The following PCNX2 variants were observed in gnomAD, a reference collection of about 807,000 sequenced individuals.
PCNX2 encodes pecanex-like protein 2.
Under a neutral mutation model 223.8 loss-of-function variants are expected in PCNX2, and 168 were observed. That is an observed-to-expected ratio of 0.75 (90% CI 0.66 to 0.85). PCNX2 has a LOEUF of 0.85. PCNX2 is among the 40% of genes least tolerant of loss of function. The pLI is 0.00. For synonymous variants in PCNX2, 1,006 were observed against 1,052.6 expected (o/e 0.96, Z 0.86); for missense variants, 2,507 against 2,675.5 (o/e 0.94, Z 1.39).
At chr1:233,292,202 CTTTTTTT>C (rs963996089) in intron 1 of PCNX2, among the ~76,000 whole-genome samples, 5 of 109,486 alleles carry the variant, frequency 4.6e-5, no homozygotes, top group Non-Finnish European at 9.0e-5. Context: ...TTCTTTCTTT[CTTTTTTT>C]TTTTTTTTTT....
At chr1:233,293,071 C>T (rs1661864302) in intron 1 of PCNX2, among the ~76,000 whole-genome samples, 1 of 152,098 alleles carries the variant, frequency 6.6e-6, no homozygotes, top group Non-Finnish European at 1.5e-5. Flanking sequence ...CTCACAAACA[C>T]AAGATCTAAA....
chr1:233,195,675 T>C (rs922602396), intron 15 of PCNX2, among the ~76,000 whole-genome samples: 4 of 152,196 alleles, frequency 2.6e-5, no homozygotes, highest in Non-Finnish European at 4.4e-5. Context: ...AAAATTTAAA[T>C]TATAAAACAC....
chr1:233,242,831 A>G (rs1400262247), intron 8 of PCNX2, among the ~76,000 whole-genome samples: 1 of 152,174 alleles, frequency 6.6e-6, no homozygotes, highest in Non-Finnish European at 1.5e-5. Flanking sequence ...TTCTGGGCAA[A>G]TTAGTTCATT....
At position 232,991,332 on chromosome 1, in the gene PCNX2, A is replaced by T. The variant is rs1669690136; in HGVS notation, c.5792-4792T>A. Among the ~76,000 whole-genome samples, 1 of 152,014 alleles carries T rather than the reference A, an allele frequency of 6.6e-6. No homozygotes were observed. Among genetic ancestry groups the T allele is most frequent in the Non-Finnish European group, 1.5e-5 (1 of 67,984 alleles). On this transcript the variant is annotated intron_variant, in intron 32 of 33. Transcript: ENST00000258229. The surrounding 1 kb of genome is among the most constrained non-coding windows in gnomAD (Gnocchi z 4.3). ...GGAGAATGCTTGACACTGTTGAGGGACAGCAAGAGACCGTGTGCTGGGGAT... is the reference window on the plus strand; with the variant it reads ...GGAGAATGCTTGACACTGTTGAGGGTCAGCAAGAGACCGTGTGCTGGGGAT...
chr1:233,252,941 T>A (rs1659543786), intron 5 of PCNX2, 153 bp from the exon 6 acceptor site: 2 of 380,022 alleles, frequency 5.3e-6, no homozygotes, highest in Non-Finnish European at 7.2e-6. Context: ...TTCATTTTTT[T>A]AATTATGGAA....
rs1369674925 is a variant in PCNX2, at chr1:233,017,052, C to T, written c.4708G>A (p.Glu1570Lys). Residue 1570 changes from glutamate (E) to lysine (K), a missense_variant, in exon 27 of 34, where the codon GAG becomes AAG. By Grantham distance (56) the Glu-to-Lys change is moderately conservative. Around this residue, in one of 3 missense-constraint regions of PCNX2, gnomAD observed 1,372 missense variants for 1,509.4 expected, o/e 0.91. Coordinates refer to ENST00000258229, the MANE Select transcript of PCNX2 (RefSeq NM_014801.4). ...ATGTTGAACATTGCAAGGTCACGCT[C>T]AATGTAATGCCACTTGGCAAAGGGC... ...LQPFAKWHYI[E>K]RDLAMFNINI... The T allele has an allele frequency of 6.3e-7, 1 of 1,598,092 alleles. No homozygotes were observed. The highest frequency in any genetic ancestry group is 1.7e-5 in the Admixed American group (1 of 58,382).
intron 17 of PCNX2, chr1:233,172,294 C>T (rs1392557597): frequency 2.1e-6 from 2 of 951,734 alleles, no homozygotes; most frequent in East Asian, 2.3e-4. Flanking sequence ...TTGGACAAGG[C>T]AACCTTCTAG....
At chr1:233,051,418 A>G (rs1672000318) in intron 25 of PCNX2, among the ~76,000 whole-genome samples, 2 of 152,238 alleles carry the variant, frequency 1.3e-5, no homozygotes, top group Non-Finnish European at 2.9e-5. Flanking sequence ...AGCACTATTC[A>G]CAATAGCAAT....
chr1:233,022,687 T>TTTTC, intron 26 of PCNX2, among the ~76,000 whole-genome samples: 1 of 133,036 alleles, frequency 7.5e-6, no homozygotes. Flanking sequence ...AATTCTTTCT[T>TTTTC]TTTCTTTCTT....
the PCNX2 span, among the ~76,000 whole-genome samples, chr1:233,318,281 G>T: frequency 6.6e-6 from 1 of 152,124 alleles, no homozygotes; most frequent in Non-Finnish European, 1.5e-5. Flanking sequence ...ATTTTTTAAA[G>T]AATTCACATA....
chr1:233,090,316 A>G, intron 22 of PCNX2, 126 bp from the exon 23 acceptor site: 2 of 1,101,012 alleles, frequency 1.8e-6, no homozygotes, highest in Admixed American at 5.1e-5. Flanking sequence ...AAGAACACAC[A>G]CTTAATCTCT....
intron 33 of PCNX2, 98 bp from the exon 34 acceptor site, chr1:232,984,575 C>T: frequency 7.5e-7 from 1 of 1,338,270 alleles, no homozygotes; most frequent in Non-Finnish European, 1.0e-6. Flanking sequence ...GAGCTAAAGG[C>T]TAGCGCTGCC....
At chr1:233,002,430 C>T (rs1210650699) in intron 28 of PCNX2, among the ~76,000 whole-genome samples, 1 of 152,016 alleles carries the variant, frequency 6.6e-6, no homozygotes, top group East Asian at 1.9e-4. Flanking sequence ...AATAAAATAC[C>T]TAGGAATACA....
intron 22 of PCNX2, chr1:233,095,336 T>C (rs1259388539): frequency 1.9e-5 from 3 of 160,710 alleles, no homozygotes; most frequent in East Asian, 3.6e-4. Context: ...TGAAGTATAA[T>C]ATGATAACCA....
At chr1:233,200,859 T>TA (rs1055814610) in intron 13 of PCNX2, among the ~76,000 whole-genome samples, 8 of 148,572 alleles carry the variant, frequency 5.4e-5, no homozygotes, top group East Asian at 2.0e-4. Flanking sequence ...CCACCTTTAC[T>TA]AAAAAAAAAT....
chr1:233,019,153 C>T, intron 26 of PCNX2: 1 of 985,404 alleles, frequency 1.0e-6, no homozygotes. Flanking sequence ...ACTGCAAATG[C>T]ATGACTTAGG....
chr1:233,115,110 T>C lies in PCNX2; in HGVS notation c.3838-19247A>G, dbSNP rs899822947. Reference sequence around the variant, plus strand: ...GGAAAGAGGAAGGGAGGAAGAAACATAGTCATTGGGTGTCAGGGCTTCAGG... The same window carrying C: ...GGAAAGAGGAAGGGAGGAAGAAACACAGTCATTGGGTGTCAGGGCTTCAGG... On this transcript the variant is annotated intron_variant, in intron 21 of 33. Transcript: ENST00000258229. 1.1e-4 allele frequency among the ~76,000 whole-genome samples: 17 copies of C among 151,566 alleles called. No individual in the cohort carries two copies. The South Asian group carries it at 1.2e-3, about 11-fold the overall frequency.
At chr1:233,162,903 C>T (rs1297135021) in intron 17 of PCNX2, among the ~76,000 whole-genome samples, 2 of 152,146 alleles carry the variant, frequency 1.3e-5, no homozygotes, top group African/African-American at 4.8e-5. Flanking sequence ...CAGTCGGCCA[C>T]CAGTATGACT....
chr1:233,079,102 T>A (rs533736165), intron 23 of PCNX2, among the ~76,000 whole-genome samples: 3 of 152,202 alleles, frequency 2.0e-5, no homozygotes, highest in African/African-American at 7.2e-5. Flanking sequence ...AGCTTAAAGC[T>A]CTTTTGTCTG....
Sources: gnomAD v4.1 joint callset for allele counts (sites outside exome capture counted in the v4.1 genomes callset) on GRCh38, gnomAD v4.1.1 for gene constraint, gnomAD v4.1.1 regional missense constraint, Gnocchi (gnomAD v3.1) non-coding constraint, MANE v1.5 for transcripts, NCBI Gene and HGNC (gene_info 2026-07-23, HGNC 2026-07-21) for gene names.